AP3B1: variants seen among roughly 807,000 people sequenced by gnomAD.
AP3B1 encodes adaptor related protein complex 3 subunit beta 1.
A neutral mutation model predicts 132.5 loss-of-function variants in AP3B1; 61 were observed. That is an observed-to-expected ratio of 0.46 (90% CI 0.37 to 0.57). The LOEUF is 0.57. Ranked by LOEUF, AP3B1 falls within the 20% of genes least tolerant of loss-of-function variation. AP3B1 has a pLI of 0.00. For missense variants in AP3B1, 1,120 were observed against 1,289.4 expected, an observed-to-expected ratio of 0.87 and a Z score of 2.01; for synonymous variants, 388 against 438.3, an observed-to-expected ratio of 0.89 and a Z score of 1.43.
intron 7 of AP3B1, among the ~76,000 whole-genome samples, chr5:78,209,633 C>T (rs1745653138): frequency 6.6e-6 from 1 of 152,098 alleles, no homozygotes; most frequent in Non-Finnish European, 1.5e-5. Context: ...TCATCAGGAC[C>T]ACCTGAGGCT....
chr5:78,162,502 C>T (rs748001944), intron 13 of AP3B1, among the ~76,000 whole-genome samples: 2 of 151,820 alleles, frequency 1.3e-5, no homozygotes, highest in Non-Finnish European at 2.9e-5. Flanking sequence ...ACTTACATGC[C>T]ATTAAAATGC....
At chr5:78,135,402 T>C (rs958358377) in intron 15 of AP3B1, among the ~76,000 whole-genome samples, 38 of 152,174 alleles carry the variant, frequency 2.5e-4, no homozygotes, top group African/African-American at 8.7e-4. Flanking sequence ...ACATTGCTTA[T>C]GGATGCATAT....
At chr5:78,260,547 TC>T (rs1302353217) in intron 2 of AP3B1, among the ~76,000 whole-genome samples, 2 of 151,484 alleles carry the variant, frequency 1.3e-5, no homozygotes, top group Non-Finnish European at 2.9e-5. Context: ...TGAGCTGAGA[TC>T]ACACCACTGC....
At chr5:78,279,120 T>C (rs1258476991) in intron 1 of AP3B1, among the ~76,000 whole-genome samples, 2 of 152,174 alleles carry the variant, frequency 1.3e-5, no homozygotes, top group Non-Finnish European at 2.9e-5. Context: ...GAATAGTATA[T>C]ATATGATCGT....
intron 26 of AP3B1, among the ~76,000 whole-genome samples, chr5:78,014,948 C>A (rs925953615): frequency 1.3e-5 from 2 of 152,148 alleles, no homozygotes; most frequent in Admixed American, 6.6e-5. Context: ...TGTTGGTCAT[C>A]TAGCAGCTCT....
At chr5:78,071,201 A>G (rs1402894472) in intron 22 of AP3B1, among the ~76,000 whole-genome samples, 2 of 152,248 alleles carry the variant, frequency 1.3e-5, no homozygotes, top group Non-Finnish European at 2.9e-5. Flanking sequence ...AATATGGTAC[A>G]TATATTCCAT....
intron 2 of AP3B1, among the ~76,000 whole-genome samples, chr5:78,256,498 T>C (rs1394515593): frequency 6.6e-6 from 1 of 151,880 alleles, no homozygotes; most frequent in Non-Finnish European, 1.5e-5. Context: ...CAGACCCCAA[T>C]ATCAAATCAC....
Position 78,171,503 on chromosome 5 carries a change from A to T in AP3B1, c.1167+4123T>A, listed in dbSNP as rs149031192. Among the ~76,000 whole-genome samples the T allele has an allele frequency of 4.1e-4, 63 of 152,282 alleles. No individual in the cohort carries two copies. The East Asian group carries it at 0.012, about 28-fold the overall frequency. On this transcript the variant is annotated intron_variant, in intron 11 of 26. Transcript: ENST00000255194. ...TTTTATTCTCTTCATAGCAATTGTG[A>T]ATGGGAGTTCACTCATTAATTTGGC...
intron 21 of AP3B1, among the ~76,000 whole-genome samples, chr5:78,092,174 T>G (rs1448897647): frequency 6.6e-6 from 1 of 152,198 alleles, no homozygotes; most frequent in African/African-American, 2.4e-5. Context: ...AGAATGCCCA[T>G]GTAACGAATA....
chr5:78,098,695 T>A (rs1400437990), intron 21 of AP3B1, among the ~76,000 whole-genome samples: 2 of 152,166 alleles, frequency 1.3e-5, no homozygotes, highest in African/African-American at 4.8e-5. Context: ...CAATGAAATT[T>A]TTGTATATGC....
At chr5:78,168,592 G>A (rs1234813518) in intron 11 of AP3B1, among the ~76,000 whole-genome samples, 1 of 152,130 alleles carries the variant, frequency 6.6e-6, no homozygotes, top group Non-Finnish European at 1.5e-5. Flanking sequence ...AACTGTTGCT[G>A]TTGTTTTTCT....
At chr5:78,152,083 TTCCTTTCCCTTCCCTC>T (rs1371301701) in intron 14 of AP3B1, among the ~76,000 whole-genome samples, 23 of 116,950 alleles carry the variant, frequency 2.0e-4, no homozygotes, top group African/African-American at 6.4e-4. Context: ...TCCCTCTCCC[TTCCTTTCCCTTCCCTC>T]TCCTTTCCCT....
At chr5:78,190,139 G>A (rs1029808134) in intron 7 of AP3B1, among the ~76,000 whole-genome samples, 1 of 151,612 alleles carries the variant, frequency 6.6e-6, no homozygotes, top group Admixed American at 6.6e-5. Context: ...TTTTATAATG[G>A]GATTATGAGC....
At chr5:78,018,582 C>A (rs1746954417) in intron 25 of AP3B1, among the ~76,000 whole-genome samples, 2 of 151,486 alleles carry the variant, frequency 1.3e-5, no homozygotes, top group Non-Finnish European at 2.9e-5. Flanking sequence ...TAACATACTT[C>A]TTGAGTTTTA....
chr5:78,008,615 A>C (rs1223609673), intron 26 of AP3B1, among the ~76,000 whole-genome samples: 1 of 152,212 alleles, frequency 6.6e-6, no homozygotes, highest in Non-Finnish European at 1.5e-5. Flanking sequence ...AGGTTCTACA[A>C]ATCTTCAGTC....
intron 17 of AP3B1, among the ~76,000 whole-genome samples, chr5:78,120,262 G>T (rs1752107195): frequency 6.6e-6 from 1 of 152,158 alleles, no homozygotes; most frequent in Non-Finnish European, 1.5e-5. Flanking sequence ...AGACCATCAA[G>T]GCTAGGAAGA....
intron 20 of AP3B1, among the ~76,000 whole-genome samples, chr5:78,109,109 G>C (rs1751467342): frequency 6.6e-6 from 1 of 152,042 alleles, no homozygotes; most frequent in Non-Finnish European, 1.5e-5. Context: ...TATGAGGCCA[G>C]ATTAATAAAC....
chr5:78,210,093 C>T (rs1046377522), intron 7 of AP3B1, among the ~76,000 whole-genome samples: 6 of 152,094 alleles, frequency 3.9e-5, no homozygotes, highest in African/African-American at 7.2e-5. Flanking sequence ...CAAAAAACTG[C>T]TCTTATTGCA....
chr5:78,032,612 G>A (rs1446750196), intron 24 of AP3B1, among the ~76,000 whole-genome samples: 1 of 151,932 alleles, frequency 6.6e-6, no homozygotes, highest in Non-Finnish European at 1.5e-5. Context: ...GGCCAATCAA[G>A]AAAGTGAGTA....
Sources: gnomAD v4.1 joint callset for allele counts (sites outside exome capture counted in the v4.1 genomes callset) on GRCh38, gnomAD v4.1.1 for gene constraint, MANE v1.5 for transcripts, NCBI Gene and HGNC (gene_info 2026-07-23, HGNC 2026-07-21) for gene names.